The following HYAL3 variants were observed in gnomAD, a reference collection of about 807,000 sequenced individuals.
HYAL3 encodes hyaluronidase 3.
In HYAL3, 25 loss-of-function variants were observed where a neutral mutation model predicts 29.6. The observed-to-expected ratio is 0.85, with a 90% confidence interval of 0.62 to 1.18. The LOEUF (loss-of-function observed/expected upper bound fraction) is 1.18. HYAL3 is among the 50% of genes most tolerant of loss of function. HYAL3 has a pLI of 0.00. For missense variants in HYAL3, 442 were observed against 548.4 expected (o/e 0.81, Z 1.94); for synonymous variants, 215 against 218.3 (o/e 0.99, Z 0.13).
Position 50,295,504 on chromosome 3 carries a change from C to T in HYAL3, c.99G>A (p.Val33=), listed in dbSNP as rs782241390. The T allele has an allele frequency of 1.2e-6, 2 of 1,609,804 alleles. No individual in the cohort carries two copies. The highest frequency in any genetic ancestry group is 1.1e-5 in the South Asian group (1 of 90,922). ...LPQVPERPFS[V]LWNVPSAHCE... is the part of the protein sequence containing the mutation. ...AGTGTGCTGAGGGTACATTCCACAG[C>T]ACAGAGAAGGGGCGTTCAGGGACCT... The change falls in exon 2 of 4, where the codon GTG becomes GTA. Residue 33 remains valine, a synonymous_variant. Coordinates refer to ENST00000336307, the MANE Select transcript of HYAL3 (RefSeq NM_003549.4).
At position 50,295,458 on chromosome 3, in the gene HYAL3, G is replaced by A. The variant is rs1199484160; in HGVS notation, c.145C>T (p.His49Tyr). The A allele has an allele frequency of 6.2e-7, 1 of 1,613,982 alleles. No individual in the cohort carries two copies. Among genetic ancestry groups the A allele is most frequent in the Non-Finnish European group, 8.5e-7 (1 of 1,180,030 alleles). The change falls in exon 2 of 4, where the codon CAC becomes TAC. Residue 49 changes from histidine to tyrosine, a missense_variant. Transcript: ENST00000336307. ...ATGCCCAGAGCATTGAGTGGCAGGTGCACACCAAAGCGGGCCTCACAGTGT... is the reference window on the plus strand; with the variant it reads ...ATGCCCAGAGCATTGAGTGGCAGGTACACACCAAAGCGGGCCTCACAGTGT... ...SAHCEARFGVHLPLNALGIIA... is the reference protein window; with the variant it reads ...SAHCEARFGVYLPLNALGIIA...
At position 50,293,702 on chromosome 3, in the gene HYAL3, A is replaced by T; in HGVS notation, c.914T>A (p.Ile305Asn). 1 of 1,613,638 alleles carries T rather than the reference A, an allele frequency of 6.2e-7. No homozygotes were observed. Among genetic ancestry groups the T allele is most frequent in the Non-Finnish European group, 8.5e-7 (1 of 1,179,984 alleles). Residue 305 changes from isoleucine to asparagine, a missense_variant, in exon 3 of 4, where the codon ATT becomes AAT. Ile to Asn is a moderately radical substitution (Grantham distance 149, BLOSUM62 -3). Transcript: ENST00000336307. ...TGCCCCTAGTGCTGCACTCACACCA[A>T]TGGACTGCACAAGGTCATCCTGGAG... ...FLSQDDLVQSIGVSAALGAAG... is the reference protein window; with the variant it reads ...FLSQDDLVQSNGVSAALGAAG...
In HYAL3 at chr3:50,292,903, AT is replaced by A. The variant is rs1418910964; in HGVS notation, c.*342del. Reference sequence around the variant, plus strand: ...TAGCACTTTACCGACCTTCGCCAAGATTTTTTGGGGCCCATCTGCCCGTGCA... The same window carrying A: ...TAGCACTTTACCGACCTTCGCCAAGATTTTTGGGGCCCATCTGCCCGTGCA... On this transcript the variant is annotated 3_prime_UTR_variant, in exon 4 of 4. Coordinates refer to ENST00000336307, the MANE Select transcript of HYAL3 (RefSeq NM_003549.4). 1.2e-5 allele frequency: 18 copies of A among 1,499,300 alleles called. No individual in the cohort carries two copies. The highest frequency in any genetic ancestry group is 1.6e-5 in the Non-Finnish European group (18 of 1,117,288). The allele number at this position is 1,499,300 out of a possible 1,614,324, so 92.9% of individuals were successfully genotyped here. A position where few individuals can be genotyped will look rare whatever the true frequency, so the allele number is the denominator to read the frequency against.
At chr3:50,298,001 G>T (rs1301050816) in intron 1 of HYAL3, 6 of 986,678 alleles carry the variant, frequency 6.1e-6, no homozygotes, top group Non-Finnish European at 6.0e-6. Flanking sequence ...CTCACAGGGG[G>T]TCTGTAACCA....
chr3:50,297,658 A>G lies in HYAL3; in HGVS notation c.-18+1555T>C. The G allele has an allele frequency of 7.1e-7, 1 of 1,411,046 alleles. No individual in the cohort carries two copies. Among genetic ancestry groups the G allele is most frequent in the Non-Finnish European group, 9.2e-7 (1 of 1,087,972 alleles). 87.4% of individuals were successfully genotyped at this position (1,411,046 alleles called of 1,614,324 possible). On this transcript the variant is annotated intron_variant, in intron 1 of 3. Coordinates refer to ENST00000336307, the MANE Select transcript of HYAL3 (RefSeq NM_003549.4). The surrounding 1 kb of genome is among the most constrained non-coding windows in gnomAD (Gnocchi z 4.3). ...CCAGGCAGTAGCATCTCTTCAGACC[A>G]CAGTGGCTCTCCTCCTGTAGATAAC...
rs587661850 is a variant in HYAL3 at position 50,297,476 on chromosome 3, G to T, written c.-18+1737C>A. ...GGATCAGCTCCATCCGGTGTGTAGGGTCTAGTGTAGGGGTCAGCTTGGCTG... is the reference window on the plus strand; with the variant it reads ...GGATCAGCTCCATCCGGTGTGTAGGTTCTAGTGTAGGGGTCAGCTTGGCTG... On this transcript the variant is annotated intron_variant, in intron 1 of 3. Transcript: ENST00000336307. The surrounding 1 kb of genome is among the most constrained non-coding windows in gnomAD (Gnocchi z 4.3). 2 of 1,584,540 alleles carry T rather than the reference G, an allele frequency of 1.3e-6. No homozygotes were observed. The highest frequency in any genetic ancestry group is 4.5e-5 in the East Asian group (2 of 44,518).
chr3:50,296,876 G>A, intron 1 of HYAL3: 2 of 1,604,174 alleles, frequency 1.2e-6, no homozygotes, highest in Non-Finnish European at 1.7e-6. Context: ...TGAAGACCAG[G>A]CCCTGCACAG....
At position 50,293,371 on chromosome 3, in the gene HYAL3, C is replaced by T. The variant is rs781808146; in HGVS notation, c.1129G>A (p.Ala377Thr). Residue 377 changes from alanine (A) to threonine (T), a missense_variant, in exon 4 of 4, where the codon GCC becomes ACC. Coordinates refer to ENST00000336307, the MANE Select transcript of HYAL3 (RefSeq NM_003549.4). Reference sequence around the variant, plus strand: ...CCGTCTGGCCACAGGTGTAGAAAGGCTTCCATCTGTCCTGGATCTCGCCGG... The same window carrying T: ...CCGTCTGGCCACAGGTGTAGAAAGGTTTCCATCTGTCCTGGATCTCGCCGG... ...CARRDPGQME[A>T]FLHLWPDGSL... The T allele has an allele frequency of 6.2e-7, 1 of 1,613,620 alleles. No individual in the cohort carries two copies. The highest frequency in any genetic ancestry group is 8.5e-7 in the Non-Finnish European group (1 of 1,180,034).
chr3:50,298,708 C>T, intron 1 of HYAL3: 1 of 976,256 alleles, frequency 1.0e-6, no homozygotes, highest in South Asian at 4.2e-5. Flanking sequence ...CCAGAGGGGG[C>T]CTCCTGGCTC....
chr3:50,293,520 G>A lies in HYAL3; in HGVS notation c.985-5C>T. 6.2e-7 allele frequency: 1 copy of A among 1,611,880 alleles called. No homozygotes were observed. The highest frequency in any genetic ancestry group is 8.5e-7 in the Non-Finnish European group (1 of 1,178,352). On this transcript the variant is annotated splice_polypyrimidine_tract_variant and splice_region_variant and intron_variant, in intron 3 of 3. Transcript: ENST00000336307. ...ATGGAGATGCCAGCACTCCTCCTGA[G>A]GAGAAGGGAAGATATGTGTCAATAT...
chr3:50,295,453 C>T lies in HYAL3; in HGVS notation c.150G>A (p.Leu50=), dbSNP rs782714444. 2.5e-6 allele frequency: 4 copies of T among 1,614,128 alleles called. No individual in the cohort carries two copies. The highest frequency in any genetic ancestry group is 3.4e-6 in the Non-Finnish European group (4 of 1,180,016). The change falls in exon 2 of 4, where the codon CTG becomes CTA. Residue 50 remains leucine (L), a synonymous_variant. Transcript: ENST00000336307. ...CTATGATGCCCAGAGCATTGAGTGG[C>T]AGGTGCACACCAAAGCGGGCCTCAC... ...AHCEARFGVH[L]PLNALGIIAN...
intron 1 of HYAL3, 161 bp from the exon 2 acceptor site, chr3:50,295,780 G>A: frequency 2.3e-6 from 1 of 433,924 alleles, no homozygotes; most frequent in Admixed American, 3.8e-5. Flanking sequence ...TTTTAAAGCA[G>A]CCACACCGCA....
chr3:50,295,682 AG>A (rs1553711032), intron 1 of HYAL3, 63 bp from the exon 2 acceptor site: 1 of 1,379,140 alleles, frequency 7.3e-7, no homozygotes, highest in East Asian at 2.4e-5. Context: ...TCCACATGGC[AG>A]GGAAAGCCAG....
At chr3:50,296,462 C>T in intron 1 of HYAL3, 1 of 985,212 alleles carries the variant, frequency 1.0e-6, no homozygotes, top group Non-Finnish European at 1.5e-6. Context: ...ACCTCCTGGC[C>T]CCACTGGTAC....
chr3:50,296,665 G>A (rs1553711198), intron 1 of HYAL3: 1 of 1,614,018 alleles, frequency 6.2e-7, no homozygotes, highest in South Asian at 1.1e-5. Flanking sequence ...TGTGTCTCCA[G>A]CAGGCTTTTT....
chr3:50,297,292 C>G lies in HYAL3; in HGVS notation c.-17-1673G>C, dbSNP rs782545983. The G allele has an allele frequency of 1.1e-5, 18 of 1,603,212 alleles. No homozygotes were observed. The highest frequency in any genetic ancestry group is 1.5e-5 in the Non-Finnish European group (18 of 1,172,964). On this transcript the variant is annotated intron_variant, in intron 1 of 3. Coordinates refer to ENST00000336307, the MANE Select transcript of HYAL3 (RefSeq NM_003549.4). This position sits in a 1 kb window ranked among gnomAD's most constrained non-coding sequence, Gnocchi z 4.3. ...TGCACAGGCTCCAGGGTCAACTCAG[C>G]CAGGCTAGGAGCTGGGGTCTCCTCT...
Position 50,297,259 on chromosome 3 carries a change from G to T in HYAL3, c.-17-1640C>A. The T allele has an allele frequency of 6.2e-7, 1 of 1,610,274 alleles. No individual in the cohort carries two copies. The highest frequency in any genetic ancestry group is 8.5e-7 in the Non-Finnish European group (1 of 1,177,582). ...TCAGCACAAGCATCCAGGAGCTCGG[G>T]TCGGCGGTGCACAGGCTCCAGGGTC... On this transcript the variant is annotated intron_variant, in intron 1 of 3. Transcript: ENST00000336307. This position sits in a 1 kb window ranked among gnomAD's most constrained non-coding sequence, Gnocchi z 4.3.
At position 50,297,195 on chromosome 3, in the gene HYAL3, CG is replaced by C. The variant is rs782283737; in HGVS notation, c.-17-1577del. 2 of 1,612,214 alleles carry C rather than the reference CG, an allele frequency of 1.2e-6. No homozygotes were observed. The highest frequency in any genetic ancestry group is 1.7e-5 in the Admixed American group (1 of 59,836). ...TGAGGACTGGCCCAGGGAGTGCAGG[CG>C]GGAGGTGCGGCTGCGGGGCCACTGA... On this transcript the variant is annotated intron_variant, in intron 1 of 3. Transcript: ENST00000336307. This position sits in a 1 kb window ranked among gnomAD's most constrained non-coding sequence, Gnocchi z 4.3.
chr3:50,297,253 G>T lies in HYAL3; in HGVS notation c.-17-1634C>A, dbSNP rs1452464593. The T allele has an allele frequency of 6.2e-7, 1 of 1,610,730 alleles. No individual in the cohort carries two copies. The highest frequency in any genetic ancestry group is 1.3e-5 in the African/African-American group (1 of 74,872). ...ATGAGGTCAGCACAAGCATCCAGGA[G>T]CTCGGGTCGGCGGTGCACAGGCTCC... is the stretch of plus-strand genomic sequence containing the variant. On this transcript the variant is annotated intron_variant, in intron 1 of 3. Coordinates refer to ENST00000336307, the MANE Select transcript of HYAL3 (RefSeq NM_003549.4). The surrounding 1 kb of genome is among the most constrained non-coding windows in gnomAD (Gnocchi z 4.3).
Sources: gnomAD v4.1 joint callset for allele counts on GRCh38, gnomAD v4.1.1 for gene constraint, Gnocchi (gnomAD v3.1) non-coding constraint, MANE v1.5 for transcripts, NCBI Gene and HGNC (gene_info 2026-07-23, HGNC 2026-07-21) for gene names.